XPR1: variants seen among roughly 807,000 people sequenced by gnomAD.
XPR1 encodes the protein solute carrier family 53 member 1.
XPR1 carries 28 observed loss-of-function variants against 87.5 expected under a neutral mutation model. The ratio of observed to expected loss-of-function variants is 0.32; its 90% confidence interval spans 0.24 to 0.44. The LOEUF is 0.44. Ranked by LOEUF, XPR1 falls within the 20% of genes least tolerant of loss-of-function variation. XPR1 has a pLI of 1.00. For synonymous variants in XPR1, 300 were observed against 306.1 expected (o/e 0.98, Z 0.21); for missense variants, 559 against 862.3 (o/e 0.65, Z 4.41).
intron 2 of XPR1, among the ~76,000 whole-genome samples, chr1:180,710,032 A>G (rs915350048): frequency 2.0e-5 from 3 of 151,522 alleles, no homozygotes; most frequent in Non-Finnish European, 2.9e-5. Flanking sequence ...CAGCCTCCCT[A>G]GTAGCTGGTA....
At chr1:180,709,121 A>G (rs1206532845) in intron 2 of XPR1, among the ~76,000 whole-genome samples, 1 of 152,124 alleles carries the variant, frequency 6.6e-6, no homozygotes, top group Non-Finnish European at 1.5e-5. Flanking sequence ...CATGTTGGCC[A>G]GGCTGGTCTC....
intron 6 of XPR1, among the ~76,000 whole-genome samples, chr1:180,811,053 G>C (rs1650192964): frequency 1.3e-5 from 2 of 151,958 alleles, no homozygotes. Context: ...GCTTTTATTT[G>C]TATTACTTTT....
At chr1:180,694,012 C>T (rs1657080857) in intron 2 of XPR1, among the ~76,000 whole-genome samples, 2 of 152,116 alleles carry the variant, frequency 1.3e-5, no homozygotes, top group South Asian at 2.1e-4. Flanking sequence ...GGCTGTAGTG[C>T]AGTGGCAAAA....
chr1:180,831,794 CATT>C (rs1558030134), intron 9 of XPR1, among the ~76,000 whole-genome samples: 2 of 152,036 alleles, frequency 1.3e-5, no homozygotes, highest in African/African-American at 2.4e-5. Flanking sequence ...TCCAGTCTAT[CATT>C]GTTGGGCGTT....
chr1:180,728,311 G>C (rs111925656), intron 2 of XPR1, among the ~76,000 whole-genome samples: 1 of 140,374 alleles, frequency 7.1e-6, no homozygotes, highest in Non-Finnish European at 1.5e-5. Flanking sequence ...GGGGGGGGTA[G>C]TAATGAAAAC....
rs1161830816 is a variant in XPR1 at position 180,696,206 on chromosome 1, GTGTATA to G, written c.121+13797_121+13802del. Among the ~76,000 whole-genome samples the G allele has an allele frequency of 8.5e-3, 866 of 101,972 alleles. 4 individuals are homozygous for G. The highest frequency in any genetic ancestry group is 9.3e-3 in the Non-Finnish European group (459 of 49,412). The allele number at this position is 101,972 out of a possible 152,430, so 66.9% of individuals were successfully genotyped here. A position where few individuals can be genotyped will look rare whatever the true frequency, so the allele number is the denominator to read the frequency against. On this transcript the variant is annotated intron_variant, in intron 2 of 14. Transcript: ENST00000367590. Reference sequence around the variant, plus strand: ...TGTGTGTGTGTGTGTGTGTGTGTGTGTGTATATATATATATATATATATATTATGGT... The same window carrying G: ...TGTGTGTGTGTGTGTGTGTGTGTGTGTATATATATATATATATATTATGGT...
At chr1:180,829,608 C>T (rs2102158971) in intron 9 of XPR1, among the ~76,000 whole-genome samples, 1 of 152,204 alleles carries the variant, frequency 6.6e-6, no homozygotes, top group East Asian at 1.9e-4. Context: ...ATAATTATAC[C>T]TTTATGTATT....
chr1:180,798,499 A>G (rs1387082280), intron 3 of XPR1, among the ~76,000 whole-genome samples: 1 of 152,204 alleles, frequency 6.6e-6, no homozygotes, highest in Non-Finnish European at 1.5e-5. Context: ...GACCCGTTCC[A>G]TATTTCCTTT....
At chr1:180,751,415 C>T (rs1281016498) in intron 2 of XPR1, among the ~76,000 whole-genome samples, 2 of 151,914 alleles carry the variant, frequency 1.3e-5, no homozygotes, top group African/African-American at 4.8e-5. Context: ...CTTTTTATAT[C>T]AGTACCTAAT....
chr1:180,837,568 A>G lies in XPR1; in HGVS notation c.1501+852A>G, dbSNP rs144731547. ...GTGTGTCTAACGGTCATAAAAGATC[A>G]GAACATTGCTTCAATAAACCTTGAG... On this transcript the variant is annotated intron_variant, in intron 11 of 14. Transcript: ENST00000367590. 2.9e-3 allele frequency among the ~76,000 whole-genome samples: 442 copies of G among 152,356 alleles called. 3 individuals carry two copies. The highest frequency in any genetic ancestry group is 9.6e-3 in the African/African-American group (400 of 41,590).
At chr1:180,690,906 G>T (rs999306159) in intron 2 of XPR1, among the ~76,000 whole-genome samples, 1 of 151,620 alleles carries the variant, frequency 6.6e-6, no homozygotes, top group African/African-American at 2.4e-5. Context: ...AACCTAGGTT[G>T]CTTCTCTATG....
Position 180,824,790 on chromosome 1 carries a change from C to T in XPR1, c.801C>T (p.Pro267=). The change falls in exon 8 of 15, where the codon CCC becomes CCT. Residue 267 remains proline, a synonymous_variant. Transcript: ENST00000367590. Reference sequence around the variant, plus strand: ...TTGAAACAGATAGAAGTATATGGCCCTTGATAAGAATCTATCGGGGTGGCT... The same window carrying T: ...TTGAAACAGATAGAAGTATATGGCCTTTGATAAGAATCTATCGGGGTGGCT... The part of the protein sequence containing the change: ...FKLETDRSIW[P]LIRIYRGGFL... 1.2e-6 allele frequency: 2 copies of T among 1,613,870 alleles called. No homozygotes were observed. The highest frequency in any genetic ancestry group is 1.3e-5 in the African/African-American group (1 of 74,996).
At chr1:180,706,400 G>C (rs1243967397) in intron 2 of XPR1, among the ~76,000 whole-genome samples, 1 of 152,070 alleles carries the variant, frequency 6.6e-6, no homozygotes, top group African/African-American at 2.4e-5. Context: ...AGTTCTCCAG[G>C]TATCTGTCAG....
intron 1 of XPR1, among the ~76,000 whole-genome samples, chr1:180,680,215 AC>A (rs1354018192): frequency 1.3e-5 from 2 of 149,310 alleles, no homozygotes; most frequent in Non-Finnish European, 2.9e-5. Flanking sequence ...ACGACAAAAA[AC>A]AAAACAAAAC....
chr1:180,699,033 G>C (rs1657262440), intron 2 of XPR1, among the ~76,000 whole-genome samples: 1 of 152,068 alleles, frequency 6.6e-6, no homozygotes, highest in Non-Finnish European at 1.5e-5. Context: ...TGAGCTTCTG[G>C]ATCTGGATAA....
chr1:180,861,489 C>T (rs182936275), intron 11 of XPR1, among the ~76,000 whole-genome samples: 148 of 152,066 alleles, frequency 9.7e-4, no homozygotes, highest in Non-Finnish European at 1.7e-3. Context: ...TCAGAACACA[C>T]GAACTATACC....
At chr1:180,671,288 C>G (rs1656160264) in intron 1 of XPR1, among the ~76,000 whole-genome samples, 1 of 152,060 alleles carries the variant, frequency 6.6e-6, no homozygotes. Context: ...TTTGTAAGAT[C>G]TGTCAGAGAG....
chr1:180,809,320 G>C (rs924584527), intron 6 of XPR1, among the ~76,000 whole-genome samples: 1 of 152,112 alleles, frequency 6.6e-6, no homozygotes. Context: ...GGGAGTCGTG[G>C]ATATGTTCTT....
chr1:180,714,077 G>A (rs1041263454), intron 2 of XPR1, among the ~76,000 whole-genome samples: 1 of 152,088 alleles, frequency 6.6e-6, no homozygotes, highest in Admixed American at 6.5e-5. Context: ...TTGATAGTTG[G>A]TATCTTTCAA....
Sources: gnomAD v4.1 joint callset for allele counts (sites outside exome capture counted in the v4.1 genomes callset) on GRCh38, gnomAD v4.1.1 for gene constraint, MANE v1.5 for transcripts, NCBI Gene and HGNC (gene_info 2026-07-23, HGNC 2026-07-21) for gene names.